ALOX12B: variants seen among roughly 807,000 people sequenced by gnomAD.
ALOX12B encodes the protein arachidonate 12-lipoxygenase, 12R-type.
Under a neutral mutation model 78.9 loss-of-function variants are expected in ALOX12B, and 47 were observed. That is an observed-to-expected ratio of 0.60 (90% CI 0.47 to 0.76). ALOX12B has a LOEUF of 0.76. Among genes scored for constraint, ALOX12B ranks in the 30% least tolerant of loss-of-function variants. The probability of loss-of-function intolerance (pLI) is 0.00; values close to 1 mark genes in which losing one functional copy is unlikely to be tolerated. For synonymous variants in ALOX12B, 370 were observed against 374.5 expected, an observed-to-expected ratio of 0.99 and a Z score of 0.14; for missense variants, 805 against 922.6, an observed-to-expected ratio of 0.87 and a Z score of 1.65.
chr17:8,077,810 G>A (rs1172699615), intron 8 of ALOX12B, among the ~76,000 whole-genome samples: 1 of 152,178 alleles, frequency 6.6e-6, no homozygotes, highest in Non-Finnish European at 1.5e-5. Context: ...CCAGGTGGAT[G>A]GATGGATGAA....
At position 8,073,165 on chromosome 17, in the gene ALOX12B, G is replaced by C. The variant is rs574970914; in HGVS notation, c.1909C>G (p.Arg637Gly). 22 of 1,613,986 alleles carry C rather than the reference G, an allele frequency of 1.4e-5. No homozygotes were observed. Among genetic ancestry groups the C allele is most frequent in the Non-Finnish European group, 1.8e-5 (21 of 1,180,042 alleles). The part of the protein sequence containing the change: ...ITLLVLWTLS[R>G]EPDDRRPLGH... ...TCTCGCACCCTGTCGTCAGGCTCTC[G>C]GCTGAGGGTCCAGAGCACCAGCAGC... Residue 637 changes from arginine to glycine, a missense_variant, in exon 14 of 15, where the codon CGA becomes GGA. By Grantham distance (125) the Arg-to-Gly change is moderately radical. Transcript: ENST00000647874.
At chr17:8,087,231 CACACAGACACACACACACACACACACAG>C (rs1320196148) in intron 1 of ALOX12B, 37 bp downstream of exon 1, 3 of 921,982 alleles carry the variant, frequency 3.3e-6, no homozygotes, top group African/African-American at 4.1e-5. Context: ...CACACAGACA[CACACAGACACACACACACACACACACAG>C]ACACACACAC....
At chr17:8,075,739 G>A (rs2151821673) in intron 11 of ALOX12B, 23 bp from the exon 12 acceptor site, 1 of 1,614,152 alleles carries the variant, frequency 6.2e-7, no homozygotes, top group South Asian at 1.1e-5. Context: ...CAGGGCCTCA[G>A]TTTGGATCCT....
chr17:8,085,821 T>A (rs550321868), intron 2 of ALOX12B, among the ~76,000 whole-genome samples, 195 bp downstream of exon 2: 1 of 152,152 alleles, frequency 6.6e-6, no homozygotes, highest in Admixed American at 6.5e-5. Context: ...CTTCCTCCAA[T>A]GTGCAGCCCC....
At position 8,076,761 on chromosome 17, in the gene ALOX12B, A is replaced by T. The variant is rs370668120; in HGVS notation, c.1276-18T>A. On this transcript the variant is annotated intron_variant, in intron 9 of 14. Transcript: ENST00000647874. ...ATGAGGAGCTGTGGGGAGAGCAAGG[A>T]GGATGAAGAGAGAGGGCTGAAGTGG... 6 of 1,548,670 alleles carry T rather than the reference A, an allele frequency of 3.9e-6. No homozygotes were observed. The African/African-American group carries it at 8.2e-5, about 21-fold the overall frequency.
intron 11 of ALOX12B, 125 bp from the exon 12 acceptor site, chr17:8,075,841 G>A (rs767322072): frequency 1.8e-5 from 27 of 1,499,226 alleles, no homozygotes; most frequent in Non-Finnish European, 1.9e-5. Flanking sequence ...GCCTGTGGGA[G>A]GGCAAGTCCT....
chr17:8,082,767 C>G (rs1978288755), intron 2 of ALOX12B, among the ~76,000 whole-genome samples: 1 of 152,164 alleles, frequency 6.6e-6, no homozygotes, highest in Non-Finnish European at 1.5e-5. Flanking sequence ...TCTTTTTGCA[C>G]TCTTAACCTG....
In ALOX12B at chr17:8,076,301, C is replaced by T. The variant is rs140306846; in HGVS notation, c.1406G>A (p.Arg469Gln). Residue 469 changes from arginine (R) to glutamine (Q), a missense_variant, in exon 11 of 15, where the codon CGG becomes CAG. Arg to Gln is a conservative substitution (Grantham distance 43). Coordinates refer to ENST00000647874, the MANE Select transcript of ALOX12B (RefSeq NM_001139.3). ...GVEGFAGVMV[R>Q]ALSELTYDSL... is the part of the protein sequence containing the mutation. ...GTCATAGGTGAGCTCCGACAGAGCC[C>T]GTACCATCACCCCAGCAAAGCCTTC... 7.1e-5 allele frequency: 114 copies of T among 1,612,564 alleles called. No individual in the cohort carries two copies. The highest frequency in any genetic ancestry group is 3.3e-4 in the Middle Eastern group (2 of 6,084).
Position 8,086,164 on chromosome 17 carries a change from G to A in ALOX12B, c.204C>T (p.Arg68=). ...AGAAGGCGTACCGCTCTTTGTGCAGGCGGATGATGATGAGCTCACCCAGGT... is the reference window on the plus strand; with the variant it reads ...AGAAGGCGTACCGCTCTTTGTGCAGACGGATGATGATGAGCTCACCCAGGT... The part of the protein sequence containing the change: ...PQDLGELIII[R]LHKERYAFFP... The change falls in exon 2 of 15, where the codon CGC becomes CGT. Residue 68 remains arginine, a synonymous_variant. Coordinates refer to ENST00000647874, the MANE Select transcript of ALOX12B (RefSeq NM_001139.3). 2.5e-6 allele frequency: 4 copies of A among 1,614,158 alleles called. No individual in the cohort carries two copies. Among genetic ancestry groups the A allele is most frequent in the Non-Finnish European group, 3.4e-6 (4 of 1,180,004 alleles).
In ALOX12B at chr17:8,079,910, G is replaced by T. The variant is rs1235758998; in HGVS notation, c.786C>A (p.Thr262=). The T allele has an allele frequency of 6.2e-7, 1 of 1,613,082 alleles. No individual in the cohort carries two copies. Among genetic ancestry groups the T allele is most frequent in the East Asian group, 2.2e-5 (1 of 44,836 alleles). Residue 262 remains threonine, a synonymous_variant, in exon 7 of 15, where the codon ACC becomes ACA. Transcript: ENST00000647874. The surrounding 1 kb of genome is among the most constrained non-coding windows in gnomAD (Gnocchi z 6.4). ...EYVAEHWAED[T]FFGYQYLNGV... ...CGTTGAGGTACTGGTACCCAAAGAA[G>T]GTGTCCTCTGCCCAGTGCTCGGCCA...
chr17:8,080,034 G>A lies in ALOX12B; in HGVS notation c.755-93C>T. On this transcript the variant is annotated intron_variant, in intron 6 of 14. Coordinates refer to ENST00000647874, the MANE Select transcript of ALOX12B (RefSeq NM_001139.3). This position sits in a 1 kb window ranked among gnomAD's most constrained non-coding sequence, Gnocchi z 4.8. The stretch of plus-strand genomic sequence containing the variant: ...AGAAGAAGACTATGGGCACCGAGAG[G>A]AGTCGGGGAGGAAAACGAGGCCCCC... 1 of 1,547,112 alleles carries A rather than the reference G, an allele frequency of 6.5e-7. No homozygotes were observed. The highest frequency in any genetic ancestry group is 8.8e-7 in the Non-Finnish European group (1 of 1,136,546).
Position 8,080,934 on chromosome 17 carries a change from A to AATGTGCACATAGCTGGGC in ALOX12B, c.459_476dup (p.His158_Ile159insMetProSerTyrValHis). 6.2e-7 allele frequency: 1 copy of AATGTGCACATAGCTGGGC among 1,613,850 alleles called. No individual in the cohort carries two copies. Among genetic ancestry groups the AATGTGCACATAGCTGGGC allele is most frequent in the Non-Finnish European group, 8.5e-7 (1 of 1,179,996 alleles). On this transcript the variant is annotated inframe_insertion, in exon 4 of 15. Coordinates refer to ENST00000647874, the MANE Select transcript of ALOX12B (RefSeq NM_001139.3). This position sits in a 1 kb window ranked among gnomAD's most constrained non-coding sequence, Gnocchi z 4.8. Reference sequence around the variant, plus strand: ...TCCGCACCGGAGGGCGGTAACTGGGAATGTGCACATAGCTGGGCAGGCCAG... The same window carrying AATGTGCACATAGCTGGGC: ...TCCGCACCGGAGGGCGGTAACTGGGAATGTGCACATAGCTGGGCATGTGCACATAGCTGGGCAGGCCAG...
chr17:8,082,720 G>T (rs1977241908), intron 2 of ALOX12B, among the ~76,000 whole-genome samples: 1 of 152,098 alleles, frequency 6.6e-6, no homozygotes, highest in Non-Finnish European at 1.5e-5. Context: ...TGGGCCTTTT[G>T]CAGCCTCCAT....
intron 12 of ALOX12B, among the ~76,000 whole-genome samples, chr17:8,074,983 C>A (rs1977051381): frequency 6.6e-6 from 1 of 152,220 alleles, no homozygotes; most frequent in Non-Finnish European, 1.5e-5. Flanking sequence ...TGCTCCTGCC[C>A]TGTCTTCTCT....
Position 8,080,670 on chromosome 17 carries a change from C to T in ALOX12B, c.638G>A (p.Arg213His), listed in dbSNP as rs746859791. The change falls in exon 5 of 15, where the codon CGC becomes CAC. Residue 213 changes from arginine to histidine, a missense_variant. Physicochemically the swap from Arg to His is conservative, Grantham distance 29 (BLOSUM62 0). Coordinates refer to ENST00000647874, the MANE Select transcript of ALOX12B (RefSeq NM_001139.3). This position sits in a 1 kb window ranked among gnomAD's most constrained non-coding sequence, Gnocchi z 4.8. The part of the protein sequence containing the change: ...SFLKTASFFV[R>H]LGPMALAFKV... ...CACACGGACTCACATGGGCCCCAGG[C>T]GGACGAAGAAGGAGGCCGTCTTGAG... 1 of 1,614,088 alleles carries T rather than the reference C, an allele frequency of 6.2e-7. No homozygotes were observed. The highest frequency in any genetic ancestry group is 8.5e-7 in the Non-Finnish European group (1 of 1,180,020).
In ALOX12B at chr17:8,079,806, A is replaced by G; in HGVS notation, c.890T>C (p.Phe297Ser). ...FPVTDDMVAP[F>S]LGEGTCLQAE... ...TTGCAAGCACGTTCCCTCGCCCAGG[A>G]ACGGAGCCACCATGTCGTCTGTGAC... Residue 297 changes from phenylalanine (F) to serine (S), a missense_variant, in exon 7 of 15, where the codon TTC becomes TCC. Phe to Ser is a radical substitution (Grantham distance 155). Coordinates refer to ENST00000647874, the MANE Select transcript of ALOX12B (RefSeq NM_001139.3). The surrounding 1 kb of genome is among the most constrained non-coding windows in gnomAD (Gnocchi z 6.4). 6.2e-7 allele frequency: 1 copy of G among 1,613,294 alleles called. No individual in the cohort carries two copies. Among genetic ancestry groups the G allele is most frequent in the Admixed American group, 1.7e-5 (1 of 60,020 alleles).
At position 8,080,514 on chromosome 17, in the gene ALOX12B, T is replaced by A. The variant is rs1410673595; in HGVS notation, c.650+144A>T. On this transcript the variant is annotated intron_variant, in intron 5 of 14. Transcript: ENST00000647874. This position sits in a 1 kb window ranked among gnomAD's most constrained non-coding sequence, Gnocchi z 4.8. ...ATCTCTAGGTCTCTGGGATCATGTC[T>A]CAGGTTTTCTGGGTCTGCGTTTCAG... 6.9e-7 allele frequency: 1 copy of A among 1,440,156 alleles called. No homozygotes were observed. Among genetic ancestry groups the A allele is most frequent in the African/African-American group, 1.4e-5 (1 of 70,766 alleles). 89.2% of individuals were successfully genotyped at this position (1,440,156 alleles called of 1,614,324 possible).
chr17:8,076,529 C>T, intron 10 of ALOX12B, 128 bp downstream of exon 10: 1 of 1,302,010 alleles, frequency 7.7e-7, no homozygotes, highest in Non-Finnish European at 1.1e-6. Flanking sequence ...GAACCAACTT[C>T]ATCCAGCTCC....
chr17:8,086,776 A>G (rs1598184725), intron 1 of ALOX12B, among the ~76,000 whole-genome samples: 1 of 152,160 alleles, frequency 6.6e-6, no homozygotes, highest in African/African-American at 2.4e-5. Flanking sequence ...TGCAAATGTG[A>G]GACAGTTAGG....
Sources: gnomAD v4.1 joint callset for allele counts (sites outside exome capture counted in the v4.1 genomes callset) on GRCh38, gnomAD v4.1.1 for gene constraint, Gnocchi (gnomAD v3.1) non-coding constraint, MANE v1.5 for transcripts, NCBI Gene and HGNC (gene_info 2026-07-23, HGNC 2026-07-21) for gene names.